Variants in IPCEF1 observed in about 807,000 individuals in gnomAD.
The protein encoded by IPCEF1 is interaction protein for cytohesin exchange factors 1, also known as interactor protein for cytohesin exchange factors 1.
Under a neutral mutation model 50.9 loss-of-function variants are expected in IPCEF1, and 31 were observed. That is an observed-to-expected ratio of 0.61 (90% CI 0.46 to 0.82). The LOEUF (loss-of-function observed/expected upper bound fraction) is 0.82. IPCEF1 is among the 40% of genes least tolerant of loss of function. The pLI, the probability that IPCEF1 is intolerant of heterozygous loss-of-function variation, is 0.00. For synonymous variants in IPCEF1, 181 were observed against 192.0 expected (o/e 0.94, Z 0.47); for missense variants, 458 against 514.0 (o/e 0.89, Z 1.05).
chr6:154,169,627 A>G, intron 10 of IPCEF1, among the ~76,000 whole-genome samples: 1 of 152,194 alleles, frequency 6.6e-6, no homozygotes, highest in African/African-American at 2.4e-5. Context: ...GGTTTTGAGT[A>G]GAAAGTGATC....
intron 3 of IPCEF1, among the ~76,000 whole-genome samples, chr6:154,255,883 T>A (rs747292871): frequency 1.0e-3 from 152 of 152,332 alleles, no homozygotes; most frequent in Non-Finnish European, 1.9e-3. Flanking sequence ...TGATACTTTA[T>A]TATTGGTGCT....
chr6:154,166,619 T>G (rs553782931), intron 11 of IPCEF1, among the ~76,000 whole-genome samples: 209 of 152,322 alleles, frequency 1.4e-3, no homozygotes, highest in Non-Finnish European at 2.5e-3. Context: ...ATTTTTGCAC[T>G]TCATTTTAAT....
chr6:154,179,121 A>G (rs1288746027), intron 10 of IPCEF1, among the ~76,000 whole-genome samples: 1 of 152,184 alleles, frequency 6.6e-6, no homozygotes, highest in East Asian at 1.9e-4. Flanking sequence ...CATAAAATGA[A>G]CATCCAGTGG....
At chr6:154,228,740 G>C (rs2128623760) in intron 5 of IPCEF1, among the ~76,000 whole-genome samples, 1 of 152,194 alleles carries the variant, frequency 6.6e-6, no homozygotes, top group Admixed American at 6.5e-5. Context: ...CTCTGCTCTT[G>C]GCCAGATGTG....
chr6:154,277,891 G>A (rs1225381650), intron 2 of IPCEF1, among the ~76,000 whole-genome samples: 3 of 151,366 alleles, frequency 2.0e-5, no homozygotes, highest in Non-Finnish European at 4.4e-5. Flanking sequence ...CCTGTGGTCC[G>A]CCCAGCTTCC....
chr6:154,292,131 C>T (rs1022218291), intron 1 of IPCEF1, among the ~76,000 whole-genome samples: 4 of 152,176 alleles, frequency 2.6e-5, no homozygotes, highest in Admixed American at 6.5e-5. Flanking sequence ...GGCATGTCTA[C>T]GGTCTCCTTT....
At chr6:154,288,667 C>CAAAAA (rs552235190) in intron 2 of IPCEF1, among the ~76,000 whole-genome samples, 3 of 112,646 alleles carry the variant, frequency 2.7e-5, no homozygotes, top group Non-Finnish European at 3.7e-5. Flanking sequence ...GTCTAAAAAA[C>CAAAAA]AAAAAAAACA....
intron 5 of IPCEF1, among the ~76,000 whole-genome samples, chr6:154,235,738 C>G (rs189597162): frequency 6.6e-6 from 1 of 152,138 alleles, no homozygotes; most frequent in Admixed American, 6.5e-5. Context: ...TCAAAAATGG[C>G]AAAAGACATT....
At chr6:154,161,495 G>T (rs1293782074) in intron 11 of IPCEF1, among the ~76,000 whole-genome samples, 1 of 152,138 alleles carries the variant, frequency 6.6e-6, no homozygotes, top group East Asian at 1.9e-4. Context: ...TTACAGGCGT[G>T]AGCCACTGCA....
At chr6:154,247,235 C>T in intron 4 of IPCEF1, 1 of 533,834 alleles carries the variant, frequency 1.9e-6, no homozygotes, top group Admixed American at 3.2e-5. Flanking sequence ...TTTTTCTAAG[C>T]TCTTTTGACA....
intron 9 of IPCEF1, among the ~76,000 whole-genome samples, chr6:154,200,303 A>G (rs1036001016): frequency 1.3e-5 from 2 of 152,202 alleles, no homozygotes; most frequent in African/African-American, 4.8e-5. Context: ...CTATTCTTCA[A>G]TGCTCTCCAG....
chr6:154,241,444 G>A (rs1294280028), intron 5 of IPCEF1, among the ~76,000 whole-genome samples: 1 of 151,910 alleles, frequency 6.6e-6, no homozygotes, highest in African/African-American at 2.4e-5. Flanking sequence ...AAAAGTAAGC[G>A]ACGGTGAATC....
At chr6:154,302,004 C>T (rs1027170542) in intron 1 of IPCEF1, among the ~76,000 whole-genome samples, 5 of 152,242 alleles carry the variant, frequency 3.3e-5, no homozygotes, top group African/African-American at 1.2e-4. Context: ...TGCTGATTTG[C>T]TGATTCCTTG....
At chr6:154,309,822 G>T (rs1783033770) in intron 1 of IPCEF1, among the ~76,000 whole-genome samples, 1 of 150,688 alleles carries the variant, frequency 6.6e-6, no homozygotes, top group African/African-American at 2.5e-5. Flanking sequence ...GGGGTGCAAT[G>T]GTGAGATCTT....
At chr6:154,172,366 G>A (rs1263831577) in intron 10 of IPCEF1, among the ~76,000 whole-genome samples, 2 of 152,206 alleles carry the variant, frequency 1.3e-5, no homozygotes, top group Non-Finnish European at 2.9e-5. Flanking sequence ...CAAGGGGTCG[G>A]GGGATTTCCC....
chr6:154,319,891 C>T (rs570096060), intron 1 of IPCEF1, among the ~76,000 whole-genome samples: 3 of 152,266 alleles, frequency 2.0e-5, no homozygotes, highest in East Asian at 1.9e-4. Flanking sequence ...TCTTAATCAT[C>T]GCTGTATCCC....
At chr6:154,293,309 G>A (rs1782558309) in intron 1 of IPCEF1, among the ~76,000 whole-genome samples, 1 of 152,194 alleles carries the variant, frequency 6.6e-6, no homozygotes, top group Non-Finnish European at 1.5e-5. Context: ...GTCCAGGTCA[G>A]CGCAACTGCA....
intron 2 of IPCEF1, among the ~76,000 whole-genome samples, chr6:154,273,165 T>C (rs1197010908): frequency 6.6e-6 from 1 of 152,194 alleles, no homozygotes; most frequent in East Asian, 1.9e-4. Flanking sequence ...GATTAATTTA[T>C]CCTTTAAAAT....
intron 10 of IPCEF1, among the ~76,000 whole-genome samples, chr6:154,198,932 T>C (rs1308265175): frequency 6.6e-6 from 1 of 152,130 alleles, no homozygotes; most frequent in Non-Finnish European, 1.5e-5. Context: ...GGTAAGCGTG[T>C]TTTACAGCAG....
Sources: allele counts gnomAD v4.1 joint callset (sites outside exome capture counted in the v4.1 genomes callset), GRCh38; gene constraint gnomAD v4.1.1; transcripts MANE v1.5; gene names NCBI Gene and HGNC (gene_info 2026-07-23, HGNC 2026-07-21).